UTY: variants seen among roughly 807,000 people sequenced by gnomAD.
UTY encodes the protein histone demethylase UTY.
UTY carries 12 observed loss-of-function variants against 32.5 expected under a neutral mutation model. The observed-to-expected ratio is 0.37, with a 90% CI of 0.24 to 0.60. UTY has a LOEUF of 0.60. UTY is among the 20% of genes least tolerant of loss of function. The probability of loss-of-function intolerance (pLI) is 0.69; values close to 1 mark genes in which losing one functional copy is unlikely to be tolerated. For synonymous variants in UTY, 131 were observed against 103.4 expected (o/e 1.27, Z -1.62); for missense variants, 303 against 299.2 (o/e 1.01, Z -0.09).
chrY:13,315,423 A>C, intron 21 of UTY, among the ~76,000 whole-genome samples: 1 of 33,799 alleles, frequency 3.0e-5, no homozygotes. Flanking sequence ...AACTTGACCA[A>C]CGTGGAGAAA....
At chrY:13,296,906 C>A (rs2058062185) in intron 27 of UTY, among the ~76,000 whole-genome samples, 1 of 33,744 alleles carries the variant, frequency 3.0e-5, no homozygotes, top group Non-Finnish European at 7.3e-5. Flanking sequence ...TCAGAATCAC[C>A]CATTCATTAC....
At chrY:13,399,156 T>C (rs2068642541) in intron 6 of UTY, among the ~76,000 whole-genome samples, 1 of 33,463 alleles carries the variant, frequency 3.0e-5, no homozygotes, top group African/African-American at 1.2e-4. Context: ...TGAGCTCAGA[T>C]CACACCACTG....
rs1603464163 is a variant in UTY at position 13,442,370 on chromosome Y, T to C, written c.375+6647A>G. Among the ~76,000 whole-genome samples, 3 of 32,701 alleles carry C rather than the reference T, an allele frequency of 9.2e-5. No homozygotes were observed. The South Asian group carries it at 2.2e-3, about 24-fold the overall frequency. The allele number at this position is 32,701 out of a possible 37,273, so 87.7% of individuals were successfully genotyped here. A position where few individuals can be genotyped will look rare whatever the true frequency, so the allele number is the denominator to read the frequency against. On this transcript the variant is annotated intron_variant, in intron 4 of 29. Transcript: ENST00000545955. ...TTTCATCTTCTGGAGGATTCAAGACTCTCCTTGTAAGTGTAATACTTCCAT... is the reference window on the plus strand; with the variant it reads ...TTTCATCTTCTGGAGGATTCAAGACCCTCCTTGTAAGTGTAATACTTCCAT...
intron 17 of UTY, among the ~76,000 whole-genome samples, chrY:13,345,134 T>C: frequency 6.0e-5 from 2 of 33,226 alleles, no homozygotes; most frequent in African/African-American, 1.2e-4. Flanking sequence ...GGTCCCCATA[T>C]TGTGATCTTG....
chrY:13,348,025 C>A (rs2062076594), intron 17 of UTY, among the ~76,000 whole-genome samples: 1 of 33,377 alleles, frequency 3.0e-5, no homozygotes, highest in Admixed American at 2.7e-4. Flanking sequence ...TCCTTGTAGC[C>A]ATTTGTATTG....
chrY:13,372,729 A>AT (rs2065043307), intron 8 of UTY, among the ~76,000 whole-genome samples: 1 of 33,497 alleles, frequency 3.0e-5, no homozygotes, highest in Non-Finnish European at 7.4e-5. Flanking sequence ...AACTCCTACA[A>AT]TTTGACAACC....
At chrY:13,236,742 T>C (rs922021666) in intron 28 of UTY, among the ~76,000 whole-genome samples, 15 of 33,541 alleles carry the variant, frequency 4.5e-4, no homozygotes, top group Non-Finnish European at 8.1e-4. Flanking sequence ...GTAAAGCTAC[T>C]TCAACATTGA....
chrY:13,283,162 G>A, intron 27 of UTY, among the ~76,000 whole-genome samples: 1 of 34,144 alleles, frequency 2.9e-5, no homozygotes, highest in South Asian at 6.4e-4. Context: ...CCAGTCTTTG[G>A]AACCTGCCCC....
At chrY:13,273,416 T>A in intron 27 of UTY, among the ~76,000 whole-genome samples, 1 of 33,767 alleles carries the variant, frequency 3.0e-5, no homozygotes, top group Non-Finnish European at 7.4e-5. Flanking sequence ...CCTGCAGCCT[T>A]ATCACTTAAT....
intron 27 of UTY, among the ~76,000 whole-genome samples, chrY:13,283,171 C>G (rs2057140757): frequency 2.9e-5 from 1 of 34,014 alleles, no homozygotes; most frequent in Non-Finnish European, 7.4e-5. Flanking sequence ...GGAACCTGCC[C>G]CATTCCATCG....
intron 28 of UTY, among the ~76,000 whole-genome samples, chrY:13,240,220 GAAGT>G (rs2053884417): frequency 3.4e-5 from 1 of 29,625 alleles, no homozygotes; most frequent in Non-Finnish European, 8.0e-5. Flanking sequence ...ATGCAAGCCA[GAAGT>G]AAGCAGGAGT....
chrY:13,452,482 T>A, intron 3 of UTY, among the ~76,000 whole-genome samples: 1 of 33,194 alleles, frequency 3.0e-5, no homozygotes, highest in Non-Finnish European at 7.4e-5. Flanking sequence ...ATGATAAAAA[T>A]TTTTAAACTG....
At chrY:13,252,469 CT>C (rs752509012) in intron 28 of UTY, among the ~76,000 whole-genome samples, 24 of 33,749 alleles carry the variant, frequency 7.1e-4, no homozygotes, top group African/African-American at 2.8e-3. Context: ...TAAGACCATT[CT>C]AATAGCGTCC....
chrY:13,237,291 C>A, intron 28 of UTY, among the ~76,000 whole-genome samples: 1 of 33,746 alleles, frequency 3.0e-5, no homozygotes, highest in Non-Finnish European at 7.4e-5. Context: ...AATGAAGAAG[C>A]CTTCATGATG....
chrY:13,279,182 T>C (rs771081833), intron 27 of UTY, among the ~76,000 whole-genome samples: 1 of 34,484 alleles, frequency 2.9e-5, no homozygotes, highest in South Asian at 6.4e-4. Context: ...AGTAACTCTA[T>C]GAGTTCATAA....
At chrY:13,371,561 T>C in intron 8 of UTY, among the ~76,000 whole-genome samples, 1 of 33,832 alleles carries the variant, frequency 3.0e-5, no homozygotes, top group Non-Finnish European at 7.4e-5. Context: ...CCATGTGCTG[T>C]TCTTAGTAGC....
At chrY:13,285,872 A>G (rs2057333209) in intron 27 of UTY, among the ~76,000 whole-genome samples, 1 of 34,454 alleles carries the variant, frequency 2.9e-5, no homozygotes, top group Non-Finnish European at 7.3e-5. Flanking sequence ...TAGACTAACT[A>G]GATACCAAAG....
intron 21 of UTY, among the ~76,000 whole-genome samples, chrY:13,321,379 C>T (rs925884761): frequency 2.4e-4 from 8 of 33,185 alleles, no homozygotes; most frequent in Non-Finnish European, 3.0e-4. Flanking sequence ...TTCTGAAATG[C>T]TTTCTCCAAA....
chrY:13,336,668 G>A (rs2061111235), intron 17 of UTY, among the ~76,000 whole-genome samples: 1 of 32,951 alleles, frequency 3.0e-5, no homozygotes, highest in South Asian at 6.5e-4. Context: ...ATTTAGATGT[G>A]GAAAAACATG....
Sources: gnomAD v4.1 joint callset for allele counts (sites outside exome capture counted in the v4.1 genomes callset) on GRCh38, gnomAD v4.1.1 for gene constraint, MANE v1.5 for transcripts, NCBI Gene and HGNC (gene_info 2026-07-23, HGNC 2026-07-21) for gene names.